Variants in GNAL observed in about 807,000 individuals in gnomAD.
GNAL encodes the protein G protein subunit alpha L, also known as guanine nucleotide-binding protein G(olf) subunit alpha.
A neutral mutation model predicts 55.1 loss-of-function variants in GNAL; 18 were observed. The observed-to-expected ratio is 0.33, with a 90% confidence interval of 0.23 to 0.48. The LOEUF is 0.48. Ranked by LOEUF, GNAL falls within the 20% of genes least tolerant of loss-of-function variation. GNAL has a pLI of 0.99. For missense variants in GNAL, 412 were observed against 614.1 expected, an observed-to-expected ratio of 0.67 and a Z score of 3.48; for synonymous variants, 253 against 237.0, an observed-to-expected ratio of 1.07 and a Z score of -0.62.
chr18:11,762,335 T>C (rs1385750390), intron 4 of GNAL, among the ~76,000 whole-genome samples: 1 of 152,174 alleles, frequency 6.6e-6, no homozygotes, highest in African/African-American at 2.4e-5. Context: ...GCGGGTGACA[T>C]GGAAGAGGTC....
At chr18:11,788,932 TATATAC>T (rs1432848282) in intron 4 of GNAL, among the ~76,000 whole-genome samples, 78 of 135,024 alleles carry the variant, frequency 5.8e-4, no homozygotes, top group Non-Finnish European at 7.1e-4. Flanking sequence ...TATATATATA[TATATAC>T]ACATATATAT....
intron 5 of GNAL, among the ~76,000 whole-genome samples, chr18:11,838,920 T>C (rs540878352): frequency 1.3e-5 from 2 of 152,332 alleles, no homozygotes; most frequent in East Asian, 3.9e-4. Context: ...AGGTAATTTC[T>C]AAGTTGTTTC....
At chr18:11,815,649 T>A (rs2034936650) in intron 4 of GNAL, among the ~76,000 whole-genome samples, 1 of 152,002 alleles carries the variant, frequency 6.6e-6, no homozygotes, top group African/African-American at 2.4e-5. Context: ...AAGATACAGT[T>A]CCAAACCATA....
At chr18:11,717,038 G>A (rs1402554101) in intron 1 of GNAL, among the ~76,000 whole-genome samples, 3 of 152,254 alleles carry the variant, frequency 2.0e-5, no homozygotes, top group African/African-American at 4.8e-5. Flanking sequence ...AGGAGCCCAT[G>A]GAGGGTGGGG....
intron 5 of GNAL, among the ~76,000 whole-genome samples, chr18:11,861,953 C>T (rs903660303): frequency 4.7e-4 from 55 of 117,730 alleles, no homozygotes; most frequent in Non-Finnish European, 8.8e-4. Context: ...TACACATATT[C>T]ACGCAGTCAT....
At chr18:11,823,471 A>G (rs2035158386) in intron 4 of GNAL, among the ~76,000 whole-genome samples, 1 of 152,142 alleles carries the variant, frequency 6.6e-6, no homozygotes, top group Non-Finnish European at 1.5e-5. Flanking sequence ...CTAAACGCTA[A>G]TAAAGCCTAC....
chr18:11,828,616 A>G (rs1568046262), intron 5 of GNAL, among the ~76,000 whole-genome samples: 1 of 152,062 alleles, frequency 6.6e-6, no homozygotes, highest in Admixed American at 6.6e-5. Context: ...GGCCTTGGAG[A>G]ACACCACAGT....
chr18:11,696,504 C>CAA (rs34232060), intron 1 of GNAL, among the ~76,000 whole-genome samples: 2,831 of 121,730 alleles, frequency 0.023, 105 homozygotes, highest in African/African-American at 0.067. Flanking sequence ...GACTCCGCCT[C>CAA]AAAAAAAAAA....
intron 9 of GNAL, among the ~76,000 whole-genome samples, chr18:11,870,702 G>A (rs144943637): frequency 2.5e-4 from 38 of 152,114 alleles, no homozygotes; most frequent in African/African-American, 5.5e-4. Context: ...AATATTTAGC[G>A]CGCACACACA....
intron 4 of GNAL, among the ~76,000 whole-genome samples, chr18:11,758,276 G>T (rs1000798725): frequency 3.9e-5 from 6 of 152,144 alleles, no homozygotes; most frequent in African/African-American, 1.2e-4. Flanking sequence ...GTTAGCAAAG[G>T]CTTTTCAAGC....
At chr18:11,866,931 C>G (rs1440619934) in intron 7 of GNAL, among the ~76,000 whole-genome samples, 3 of 152,156 alleles carry the variant, frequency 2.0e-5, no homozygotes, top group Non-Finnish European at 2.9e-5. Context: ...TCTGCTTGAT[C>G]TGTCACCCCT....
At chr18:11,774,776 G>T (rs2033732806) in intron 4 of GNAL, among the ~76,000 whole-genome samples, 1 of 152,200 alleles carries the variant, frequency 6.6e-6, no homozygotes, top group South Asian at 2.1e-4. Context: ...GTTATACACT[G>T]TATCAGCCTT....
intron 1 of GNAL, among the ~76,000 whole-genome samples, chr18:11,703,340 C>T (rs1281539517): frequency 4.6e-5 from 7 of 152,164 alleles, no homozygotes. Flanking sequence ...TTAGAATATG[C>T]TCTAATTGAT....
intron 5 of GNAL, among the ~76,000 whole-genome samples, chr18:11,837,576 A>G (rs2035524233): frequency 6.6e-6 from 1 of 152,228 alleles, no homozygotes; most frequent in Non-Finnish European, 1.5e-5. Context: ...ATTCCACTTC[A>G]TAACCCTAGG....
chr18:11,736,327 A>AAC (rs1207652314), intron 1 of GNAL, among the ~76,000 whole-genome samples: 19 of 152,196 alleles, frequency 1.2e-4, no homozygotes, highest in Non-Finnish European at 2.4e-4. Flanking sequence ...CCCACGTGTT[A>AAC]GAGGCTGCAA....
rs74448045 is a variant in GNAL, at chr18:11,755,343, G to A, written c.624+1398G>A. ...CGTCCAGGCTGGAGTGCAGTGGCGC[G>A]GCTCACTGAAAGCTCCGCCTCCCGG... On this transcript the variant is annotated intron_variant, in intron 4 of 11. Coordinates refer to ENST00000334049, the MANE Select transcript of GNAL (RefSeq NM_182978.4). Among the ~76,000 whole-genome samples, 94 of 152,186 alleles carry A rather than the reference G, an allele frequency of 6.2e-4. 2 individuals are homozygous for A. In the East Asian group the frequency reaches 0.015, roughly 25 times the overall value.
chr18:11,724,538 T>C (rs1159763508), intron 1 of GNAL, among the ~76,000 whole-genome samples: 1 of 152,198 alleles, frequency 6.6e-6, no homozygotes, highest in Non-Finnish European at 1.5e-5. Flanking sequence ...GAGTCTTCTT[T>C]TCCTCTGTCG....
At position 11,861,090 on chromosome 18, in the gene GNAL, C is replaced by T. The variant is rs927870708; in HGVS notation, c.723-1305C>T. On this transcript the variant is annotated intron_variant, in intron 5 of 11. Coordinates refer to ENST00000334049, the MANE Select transcript of GNAL (RefSeq NM_182978.4). ...CTCCTCTGCATGAAATGCTCATGGGCACATGTCTGCTGCCTCTACCTACCA... is the reference window on the plus strand; with the variant it reads ...CTCCTCTGCATGAAATGCTCATGGGTACATGTCTGCTGCCTCTACCTACCA... Among the ~76,000 whole-genome samples, 3 of 152,318 alleles carry T rather than the reference C, an allele frequency of 2.0e-5. 1 individual carries two copies. In the South Asian group the frequency reaches 6.2e-4, roughly 32 times the overall value.
intron 5 of GNAL, chr18:11,857,513 A>T (rs969517238): frequency 1.0e-6 from 1 of 985,450 alleles, no homozygotes; most frequent in Non-Finnish European, 1.2e-6. Flanking sequence ...ACTTTACCCC[A>T]TGGGAAGGAG....
Sources: gnomAD v4.1 joint callset for allele counts (sites outside exome capture counted in the v4.1 genomes callset) on GRCh38, gnomAD v4.1.1 for gene constraint, MANE v1.5 for transcripts, NCBI Gene and HGNC (gene_info 2026-07-23, HGNC 2026-07-21) for gene names.